The following MYO1E variants were observed in gnomAD, a reference collection of about 807,000 sequenced individuals.
MYO1E encodes the protein unconventional myosin-Ie.
Under a neutral mutation model 151.1 loss-of-function variants are expected in MYO1E, and 68 were observed. The observed-to-expected ratio is 0.45, with a 90% CI of 0.37 to 0.55. The LOEUF is 0.55. Ranked by LOEUF, MYO1E falls within the 20% of genes least tolerant of loss-of-function variation. MYO1E has a pLI of 0.00. For missense variants in MYO1E, 1,363 were observed against 1,389.3 expected, an observed-to-expected ratio of 0.98 and a Z score of 0.30; for synonymous variants, 601 against 501.7, an observed-to-expected ratio of 1.20 and a Z score of -2.64.
At chr15:59,330,263 C>G (rs2080690116) in intron 1 of MYO1E, among the ~76,000 whole-genome samples, 1 of 152,062 alleles carries the variant, frequency 6.6e-6, no homozygotes, top group South Asian at 2.1e-4. Flanking sequence ...TAAAATCAAG[C>G]AGCAAGGCAT....
intron 1 of MYO1E, among the ~76,000 whole-genome samples, chr15:59,297,244 T>C (rs1371943949): frequency 1.3e-5 from 2 of 151,478 alleles, no homozygotes; most frequent in Non-Finnish European, 2.9e-5. Context: ...TTTTTTCCCC[T>C]GGTGCAGGAT....
intron 14 of MYO1E, chr15:59,207,328 A>G (rs745540609): frequency 1.9e-6 from 3 of 1,614,110 alleles, no homozygotes; most frequent in Non-Finnish European, 2.5e-6. Context: ...TGTTTGTAGC[A>G]AAGATTACTT....
chr15:59,277,305 G>A (rs552407992), intron 1 of MYO1E, among the ~76,000 whole-genome samples: 1 of 152,240 alleles, frequency 6.6e-6, no homozygotes, highest in Admixed American at 6.5e-5. Context: ...CCAGAACTTT[G>A]GGAGGCCAAG....
At chr15:59,152,885 A>C (rs554403495) in intron 26 of MYO1E, among the ~76,000 whole-genome samples, 2 of 152,198 alleles carry the variant, frequency 1.3e-5, no homozygotes, top group African/African-American at 4.8e-5. Flanking sequence ...AGGGCAACTC[A>C]TATTTGGGTT....
At chr15:59,370,978 C>T (rs2080940999) in intron 1 of MYO1E, among the ~76,000 whole-genome samples, 1 of 152,150 alleles carries the variant, frequency 6.6e-6, no homozygotes, top group Non-Finnish European at 1.5e-5. Flanking sequence ...GAATGGTTCT[C>T]TGCTGGGGTG....
intron 24 of MYO1E, among the ~76,000 whole-genome samples, 164 bp from the exon 25 acceptor site, chr15:59,158,543 T>C (rs1376637108): frequency 6.6e-6 from 1 of 152,166 alleles, no homozygotes; most frequent in African/African-American, 2.4e-5. Context: ...GGGAAGTATG[T>C]AATGGTAGCT....
intron 1 of MYO1E, among the ~76,000 whole-genome samples, chr15:59,358,275 G>A (rs114864421): frequency 1.4e-3 from 217 of 152,144 alleles, no homozygotes; most frequent in African/African-American, 5.0e-3. Flanking sequence ...AGGAAGAGGA[G>A]GATGAGGAGG....
intron 4 of MYO1E, among the ~76,000 whole-genome samples, chr15:59,242,990 T>C (rs1413954099): frequency 6.6e-6 from 1 of 151,910 alleles, no homozygotes; most frequent in Non-Finnish European, 1.5e-5. Flanking sequence ...AGCAGGAAGA[T>C]GCATGTGGCT....
chr15:59,357,050 C>T lies in MYO1E; in HGVS notation c.3+15448G>A, dbSNP rs987337472. On this transcript the variant is annotated intron_variant, in intron 1 of 27. Transcript: ENST00000288235. ...CCTCTCAAGTAGCTGGGATTACAGG[C>T]GCCCACCACCACACCCAGCTAATTC... 1.4e-4 allele frequency among the ~76,000 whole-genome samples: 21 copies of T among 151,728 alleles called. No individual in the cohort carries two copies. The East Asian group carries it at 3.5e-3, about 25-fold the overall frequency.
chr15:59,142,302 T>C (rs747017498), intron 26 of MYO1E, among the ~76,000 whole-genome samples: 7 of 152,156 alleles, frequency 4.6e-5, no homozygotes, highest in African/African-American at 1.4e-4. Flanking sequence ...GTCCTTAGTG[T>C]AGACTGACAA....
intron 16 of MYO1E, among the ~76,000 whole-genome samples, chr15:59,201,185 C>T (rs2079799489): frequency 6.6e-6 from 1 of 151,034 alleles, no homozygotes; most frequent in African/African-American, 2.4e-5. Context: ...GCAGCTTTGA[C>T]TTCCTTGACT....
intron 1 of MYO1E, among the ~76,000 whole-genome samples, chr15:59,278,213 C>T (rs2140386925): frequency 6.6e-6 from 1 of 152,258 alleles, no homozygotes; most frequent in Admixed American, 6.5e-5. Flanking sequence ...CCCATGAGCA[C>T]AACAGGACAG....
At chr15:59,139,374 T>C (rs1474619406) in intron 26 of MYO1E, among the ~76,000 whole-genome samples, 1 of 140,672 alleles carries the variant, frequency 7.1e-6, no homozygotes, top group Non-Finnish European at 1.5e-5. Flanking sequence ...CCACCGCTCA[T>C]TGTTACTCAT....
Position 59,210,561 on chromosome 15 carries a change from C to T in MYO1E, c.1315G>A (p.Glu439Lys). 6.2e-7 allele frequency: 1 copy of T among 1,605,960 alleles called. No individual in the cohort carries two copies. Among genetic ancestry groups the T allele is most frequent in the Non-Finnish European group, 8.5e-7 (1 of 1,172,554 alleles). The change falls in exon 13 of 28, where the codon GAG (glutamate) becomes AAG (lysine). Residue 439 changes from glutamate (E) to lysine (K), a missense_variant. Glu to Lys is a moderately conservative substitution (Grantham distance 56). Transcript: ENST00000288235. ...CATACGATTTTATTATTAAAGTACT[C>T]AATGGGTGTCCATCTTATTCCCTCT... The part of the protein sequence containing the change: ...VQEGIRWTPI[E>K]YFNNKIVCDL...
intron 12 of MYO1E, among the ~76,000 whole-genome samples, chr15:59,210,810 G>A (rs1343679727): frequency 6.6e-6 from 1 of 152,144 alleles, no homozygotes; most frequent in Non-Finnish European, 1.5e-5. Context: ...TGAACCCTAT[G>A]AAATTATTGC....
chr15:59,300,857 CT>C (rs757041312), intron 1 of MYO1E, among the ~76,000 whole-genome samples: 9 of 143,988 alleles, frequency 6.3e-5, no homozygotes, highest in South Asian at 2.2e-4. Context: ...TCTTTTTTTC[CT>C]TTTTTTTCTT....
intron 21 of MYO1E, among the ~76,000 whole-genome samples, chr15:59,173,175 T>C (rs1208561168): frequency 6.6e-6 from 1 of 152,228 alleles, no homozygotes; most frequent in East Asian, 1.9e-4. Context: ...CTCTGCAATA[T>C]TACTTGATAC....
At chr15:59,228,920 T>G (rs997823793) in intron 6 of MYO1E, among the ~76,000 whole-genome samples, 1 of 152,228 alleles carries the variant, frequency 6.6e-6, no homozygotes, top group South Asian at 2.1e-4. Flanking sequence ...TAACTGTCTA[T>G]GTGTCTTAAT....
chr15:59,190,443 G>A (rs1450034808), intron 17 of MYO1E, among the ~76,000 whole-genome samples: 1 of 152,150 alleles, frequency 6.6e-6, no homozygotes, highest in Non-Finnish European at 1.5e-5. Flanking sequence ...TCCCAGTAAG[G>A]CTCTCACAAA....
Sources: allele counts gnomAD v4.1 joint callset (sites outside exome capture counted in the v4.1 genomes callset), GRCh38; gene constraint gnomAD v4.1.1; transcripts MANE v1.5; gene names NCBI Gene and HGNC (gene_info 2026-07-23, HGNC 2026-07-21).